MLLT3: variants seen among roughly 807,000 people sequenced by gnomAD.
The protein encoded by MLLT3 is protein AF-9.
A neutral mutation model predicts 53.2 loss-of-function variants in MLLT3; 4 were observed. That is an observed-to-expected ratio of 0.08 (90% CI 0.04 to 0.17). The LOEUF is 0.17. Among genes scored for constraint, MLLT3 ranks in the 10% least tolerant of loss-of-function variants. The probability of loss-of-function intolerance (pLI) is 1.00; values close to 1 mark genes in which losing one functional copy is unlikely to be tolerated. For synonymous variants in MLLT3, 283 were observed against 230.6 expected, an observed-to-expected ratio of 1.23 and a Z score of -2.06; for missense variants, 569 against 684.0, an observed-to-expected ratio of 0.83 and a Z score of 1.87.
At chr9:20,499,883 A>G (rs1490106505) in intron 2 of MLLT3, among the ~76,000 whole-genome samples, 1 of 149,600 alleles carries the variant, frequency 6.7e-6, no homozygotes, top group Non-Finnish European at 1.5e-5. Flanking sequence ...TGGACATCAT[A>G]GCAAGAACCT....
At chr9:20,530,506 G>T (rs1277219723) in intron 2 of MLLT3, among the ~76,000 whole-genome samples, 2 of 152,204 alleles carry the variant, frequency 1.3e-5, no homozygotes, top group Non-Finnish European at 2.9e-5. Flanking sequence ...GCTTCTAGAT[G>T]ACGGAGAGAG....
At chr9:20,432,196 C>T (rs1034415584) in intron 4 of MLLT3, among the ~76,000 whole-genome samples, 11 of 152,244 alleles carry the variant, frequency 7.2e-5, no homozygotes, top group African/African-American at 2.6e-4. Flanking sequence ...CTCATTTAAT[C>T]TTCTTAAAGA....
chr9:20,360,118 A>G (rs1821277563), intron 8 of MLLT3, among the ~76,000 whole-genome samples: 1 of 152,212 alleles, frequency 6.6e-6, no homozygotes. Flanking sequence ...TTATTTTCTC[A>G]GCATTTTATT....
At chr9:20,543,233 A>G (rs1382620963) in intron 2 of MLLT3, among the ~76,000 whole-genome samples, 1 of 152,074 alleles carries the variant, frequency 6.6e-6, no homozygotes, top group Non-Finnish European at 1.5e-5. Context: ...TTTCCTTCAC[A>G]CTCACAAGCT....
rs533475658 is a variant in MLLT3 at position 20,600,228 on chromosome 9, T to C, written c.193+20426A>G. ...TCTGTTTCCACAGCTTCATTTTTCA[T>C]AGCTTCATAAAAGCACTCATCTTGT... On this transcript the variant is annotated intron_variant, in intron 2 of 10. Transcript: ENST00000380338. 2.6e-5 allele frequency among the ~76,000 whole-genome samples: 4 copies of C among 152,250 alleles called. No individual in the cohort carries two copies. In the South Asian group the frequency reaches 6.2e-4, roughly 24 times the overall value.
intron 3 of MLLT3, among the ~76,000 whole-genome samples, chr9:20,455,392 A>C (rs1823940099): frequency 6.6e-6 from 1 of 152,242 alleles, no homozygotes; most frequent in African/African-American, 2.4e-5. Flanking sequence ...TTCCAGTGGA[A>C]GGGATTGCAC....
At chr9:20,568,943 TTAAGA>T (rs1262756057) in intron 2 of MLLT3, among the ~76,000 whole-genome samples, 1 of 152,110 alleles carries the variant, frequency 6.6e-6, no homozygotes, top group African/African-American at 2.4e-5. Flanking sequence ...ATCTTTGTCT[TTAAGA>T]TGTCTCAGAG....
intron 2 of MLLT3, among the ~76,000 whole-genome samples, chr9:20,530,048 A>G (rs953672214): frequency 1.3e-5 from 2 of 152,158 alleles, no homozygotes; most frequent in Non-Finnish European, 2.9e-5. Context: ...TGAAATGTGT[A>G]TTTTTTGAAA....
intron 2 of MLLT3, among the ~76,000 whole-genome samples, chr9:20,570,439 A>G (rs143610210): frequency 1.8e-4 from 28 of 152,332 alleles, no homozygotes; most frequent in African/African-American, 6.5e-4. Context: ...TAAACACTAC[A>G]CTTTCTAACA....
At chr9:20,498,159 C>G (rs1825124678) in intron 2 of MLLT3, among the ~76,000 whole-genome samples, 1 of 131,532 alleles carries the variant, frequency 7.6e-6, no homozygotes, top group Non-Finnish European at 1.6e-5. Flanking sequence ...GAGGTGGAGG[C>G]AGAGGCTGCA....
intron 2 of MLLT3, among the ~76,000 whole-genome samples, chr9:20,472,699 T>C (rs1451134267): frequency 2.0e-5 from 3 of 152,114 alleles, no homozygotes; most frequent in African/African-American, 7.2e-5. Context: ...AAAAAGCTTT[T>C]CATAAGCTAT....
chr9:20,473,974 G>C (rs1268733489), intron 2 of MLLT3, among the ~76,000 whole-genome samples: 1 of 152,096 alleles, frequency 6.6e-6, no homozygotes, highest in African/African-American at 2.4e-5. Flanking sequence ...CCCAATAGAA[G>C]TATCAAATGC....
chr9:20,587,389 T>C (rs1216306503), intron 2 of MLLT3, among the ~76,000 whole-genome samples: 3 of 152,156 alleles, frequency 2.0e-5, no homozygotes, highest in African/African-American at 7.2e-5. Flanking sequence ...CAGACACTCT[T>C]GGAAGTGACG....
chr9:20,434,966 AC>A (rs1478208211), intron 4 of MLLT3, among the ~76,000 whole-genome samples: 1 of 152,222 alleles, frequency 6.6e-6, no homozygotes, highest in African/African-American at 2.4e-5. Flanking sequence ...AATTTTACAC[AC>A]ATGCACTTTG....
intron 2 of MLLT3, among the ~76,000 whole-genome samples, chr9:20,458,268 T>C (rs1824020726): frequency 6.6e-6 from 1 of 152,232 alleles, no homozygotes. Flanking sequence ...AAGGATCTTG[T>C]CTGCTAATTT....
At chr9:20,600,452 G>A (rs1820393912) in intron 2 of MLLT3, among the ~76,000 whole-genome samples, 1 of 152,088 alleles carries the variant, frequency 6.6e-6, no homozygotes, top group South Asian at 2.1e-4. Context: ...AACCCCAACT[G>A]GTGTACATTC....
intron 2 of MLLT3, among the ~76,000 whole-genome samples, chr9:20,574,549 TA>T (rs1424651382): frequency 6.6e-6 from 1 of 152,218 alleles, no homozygotes; most frequent in African/African-American, 2.4e-5. Flanking sequence ...CATTATGTCT[TA>T]AAAATAATGC....
intron 2 of MLLT3, among the ~76,000 whole-genome samples, chr9:20,599,884 G>T (rs2131196088): frequency 6.6e-6 from 1 of 152,158 alleles, no homozygotes; most frequent in Admixed American, 6.5e-5. Context: ...AAATAACAAG[G>T]TGTAAAATTA....
At chr9:20,406,815 A>G (rs1362565063) in intron 5 of MLLT3, among the ~76,000 whole-genome samples, 1 of 152,206 alleles carries the variant, frequency 6.6e-6, no homozygotes, top group Admixed American at 6.5e-5. Flanking sequence ...GTCTTCAAAC[A>G]TTTTAGTAAA....
Sources: allele counts gnomAD v4.1 joint callset (sites outside exome capture counted in the v4.1 genomes callset), GRCh38; gene constraint gnomAD v4.1.1; transcripts MANE v1.5; gene names NCBI Gene and HGNC (gene_info 2026-07-23, HGNC 2026-07-21).